Variants in DMAC2 observed in about 807,000 individuals in gnomAD.
The protein encoded by DMAC2 is distal membrane-arm assembly complex protein 2.
Under a neutral mutation model 29.6 loss-of-function variants are expected in DMAC2, and 32 were observed. The observed-to-expected ratio is 1.08, with a 90% CI of 0.81 to 1.45. The LOEUF (loss-of-function observed/expected upper bound fraction) is 1.45, where lower values mean the gene tolerates loss of function less well. DMAC2 is among the 40% of genes most tolerant of loss of function. The pLI, the probability that DMAC2 is intolerant of heterozygous loss-of-function variation, is 0.00. For synonymous variants in DMAC2, 133 were observed against 137.4 expected (o/e 0.97, Z 0.23); for missense variants, 319 against 340.0 (o/e 0.94, Z 0.49).
chr19:41,433,700 AG>A, intron 3 of DMAC2, 27 bp from the exon 4 acceptor site: 1 of 1,613,892 alleles, frequency 6.2e-7, no homozygotes, highest in Non-Finnish European at 8.5e-7. Flanking sequence ...GAGTGTCAGC[AG>A]GGCACCTGAA....
At position 41,431,964 on chromosome 19, in the gene DMAC2, C is replaced by A; in HGVS notation, c.*267G>T. On this transcript the variant is annotated 3_prime_UTR_variant, in exon 6 of 6. Transcript: ENST00000221943. ...CTGACAAGGTGAGTGTGGCTCTCTGCGGCTACTAACAGCCTGAGCCTTTAC... is the reference window on the plus strand; with the variant it reads ...CTGACAAGGTGAGTGTGGCTCTCTGAGGCTACTAACAGCCTGAGCCTTTAC... 1 of 526,106 alleles carries A rather than the reference C, an allele frequency of 1.9e-6. No homozygotes were observed. The highest frequency in any genetic ancestry group is 3.4e-6 in the Non-Finnish European group (1 of 292,032). The allele number at this position is 526,106 out of a possible 1,614,324, so 32.6% of individuals were successfully genotyped here.
Position 41,433,534 on chromosome 19 carries a change from C to A in DMAC2, c.433+3G>T, listed in dbSNP as rs1568519656. The A allele has an allele frequency of 6.2e-7, 1 of 1,614,240 alleles. No homozygotes were observed. Among genetic ancestry groups the A allele is most frequent in the East Asian group, 2.2e-5 (1 of 44,888 alleles). On this transcript the variant is annotated splice_donor_region_variant and intron_variant, in intron 4 of 5. Transcript: ENST00000221943. The stretch of plus-strand genomic sequence containing the variant: ...TGTCCCATCTCCACCCCACCGCACT[C>A]ACGGAGGTTATCCAGGCCCTCGTAG...
chr19:41,432,023 T>C lies in DMAC2; in HGVS notation c.*208A>G, dbSNP rs538704184. On this transcript the variant is annotated 3_prime_UTR_variant, in exon 6 of 6. Coordinates refer to ENST00000221943, the MANE Select transcript of DMAC2 (RefSeq NM_018035.3). ...GCCTGAACAGGGGCATGGAAAGGGC[T>C]GCCTGACAGGGTGACAGGAGCTGTG... is the stretch of plus-strand genomic sequence containing the variant. 2 of 613,722 alleles carry C rather than the reference T, an allele frequency of 3.3e-6. No individual in the cohort carries two copies. The highest frequency in any genetic ancestry group is 1.8e-5 in the African/African-American group (1 of 54,150). 38.0% of individuals were successfully genotyped at this position (613,722 alleles called of 1,614,324 possible).
At chr19:41,439,339 AAT>A (rs1325543331) in intron 1 of DMAC2, 1 of 576,806 alleles carries the variant, frequency 1.7e-6, no homozygotes, top group Non-Finnish European at 3.0e-6. Context: ...CCTCTGAAAG[AAT>A]ATCTCAAATT....
Position 41,438,295 on chromosome 19 carries a change from G to C in DMAC2, c.138C>G (p.Thr46=), listed in dbSNP as rs782325235. 2 of 1,614,234 alleles carry C rather than the reference G, an allele frequency of 1.2e-6. No individual in the cohort carries two copies. Among genetic ancestry groups the C allele is most frequent in the South Asian group, 1.1e-5 (1 of 91,086 alleles). Residue 46 remains threonine (T), a synonymous_variant, in exon 2 of 6, where the codon ACC becomes ACG. Coordinates refer to ENST00000221943, the MANE Select transcript of DMAC2 (RefSeq NM_018035.3). The stretch of plus-strand genomic sequence containing the variant: ...GAGCCTCCACATCGTAGAAATAGTT[G>C]GTCAGGAACTGGAGTATTGTCCTTT... ...KKKRTILQFL[T]NYFYDVEALR...
Position 41,439,909 on chromosome 19 carries a change from G to T in DMAC2, c.-10C>A. ...CCCAGGGAGCCGCCATCTTGCTAAG[G>T]TTTCGTAACCGGAAGGGGCCGGTCT... is the stretch of plus-strand genomic sequence containing the variant. On this transcript the variant is annotated 5_prime_UTR_variant, in exon 1 of 6. Transcript: ENST00000221943. The T allele has an allele frequency of 6.2e-7, 1 of 1,614,190 alleles. No individual in the cohort carries two copies. The highest frequency in any genetic ancestry group is 8.5e-7 in the Non-Finnish European group (1 of 1,180,042).
At chr19:41,432,653 C>G in intron 5 of DMAC2, 5 of 220,006 alleles carry the variant, frequency 2.3e-5, no homozygotes, top group East Asian at 1.2e-4. Flanking sequence ...TACAGGACAG[C>G]GTGTGTGTGT....
rs2039778302 is a variant in DMAC2, at chr19:41,434,936, A to G, written c.297-1263T>C. On this transcript the variant is annotated intron_variant, in intron 3 of 5. Transcript: ENST00000221943. ...CAGGAGAATTGCTTGAACCCAGGAG[A>G]TGGAGGTTGCAGTGAGCCGAGATTG... Among the ~76,000 whole-genome samples, 4 of 150,876 alleles carry G rather than the reference A, an allele frequency of 2.7e-5. No homozygotes were observed. The South Asian group carries it at 8.3e-4, about 31-fold the overall frequency.
At chr19:41,433,468 GC>G in intron 4 of DMAC2, 34 bp from the exon 5 acceptor site, 3 of 1,612,546 alleles carry the variant, frequency 1.9e-6, no homozygotes, top group Non-Finnish European at 2.5e-6. Flanking sequence ...GGCACCAGGA[GC>G]CTTTCTGGAG....
chr19:41,432,666 G>GCGTGCGTGTGTGCGTGCA (rs2039598039), intron 5 of DMAC2: 1 of 464,144 alleles, frequency 2.2e-6, no homozygotes. Flanking sequence ...GTGTGTGTGT[G>GCGTGCGTGTGTGCGTGCA]TGTGTGTGTG....
At chr19:41,439,291 TCTTTAATTTTCCCTAAA>T in intron 1 of DMAC2, 5 of 525,808 alleles carry the variant, frequency 9.5e-6, no homozygotes, top group Non-Finnish European at 1.7e-5. Context: ...GCTGCCAACC[TCTTTAATTTTCCCTAAA>T]TTCATTCCTT....
chr19:41,432,713 G>A, intron 5 of DMAC2: 1 of 411,626 alleles, frequency 2.4e-6, no homozygotes, highest in Non-Finnish European at 4.4e-6. Context: ...CAGCGTGTGT[G>A]TGTGTGTGTG....
rs1429060556 is a variant in DMAC2 at position 41,439,620 on chromosome 19, C to A, written c.18+262G>T. ...ATTGGTTAGTCGCGTCGCTCTTCGG[C>A]AGCCACTCCCTCATCCCCATTGGAT... is the stretch of plus-strand genomic sequence containing the variant. On this transcript the variant is annotated intron_variant, in intron 1 of 5. Coordinates refer to ENST00000221943, the MANE Select transcript of DMAC2 (RefSeq NM_018035.3). 1.9e-5 allele frequency: 28 copies of A among 1,469,026 alleles called. No individual in the cohort carries two copies. The East Asian group carries it at 5.4e-4, about 29-fold the overall frequency. The allele number at this position is 1,469,026 out of a possible 1,614,324, so 91.0% of individuals were successfully genotyped here. A position where few individuals can be genotyped will look rare whatever the true frequency, so the allele number is the denominator to read the frequency against.
chr19:41,437,629 G>T (rs1157653585), intron 2 of DMAC2, among the ~76,000 whole-genome samples: 2 of 152,038 alleles, frequency 1.3e-5, no homozygotes, highest in Non-Finnish European at 2.9e-5. Context: ...AACCTGGGAG[G>T]TGGAGGTTGC....
Position 41,433,167 on chromosome 19 carries a change from GAT to G in DMAC2, c.596+103_596+104del, listed in dbSNP as rs2122208806. 5 of 1,237,898 alleles carry G rather than the reference GAT, an allele frequency of 4.0e-6. No homozygotes were observed. The East Asian group carries it at 1.3e-4, about 32-fold the overall frequency. 76.7% of individuals were successfully genotyped at this position (1,237,898 alleles called of 1,614,324 possible). ...TCTAGGTTTGTGATGGATGCAGGGG[GAT>G]ATGAGAACTGCCTAACATTGCCCCT... is the stretch of plus-strand genomic sequence containing the variant. On this transcript the variant is annotated intron_variant, in intron 5 of 5. Transcript: ENST00000221943.
chr19:41,439,347 A>G, intron 1 of DMAC2: 3 of 609,372 alleles, frequency 4.9e-6, no homozygotes, highest in Non-Finnish European at 8.4e-6. Context: ...AGAATATCTC[A>G]AATTCTCCTC....
chr19:41,439,670 TCTCG>T (rs2040052585), intron 1 of DMAC2: 1 of 1,331,952 alleles, frequency 7.5e-7, no homozygotes, highest in Admixed American at 2.1e-5. Context: ...CCCTGCCTCC[TCTCG>T]CTCGCTAAAG....
intron 3 of DMAC2, among the ~76,000 whole-genome samples, 166 bp from the exon 4 acceptor site, chr19:41,433,839 T>C (rs548129327): frequency 9.7e-4 from 148 of 152,350 alleles, no homozygotes; most frequent in African/African-American, 3.5e-3. Flanking sequence ...GGCTCACGCC[T>C]GTAATCCCAG....
At chr19:41,438,189 A>C (rs1555771744) in intron 2 of DMAC2, 29 bp downstream of exon 2, 1 of 1,598,556 alleles carries the variant, frequency 6.3e-7, no homozygotes, top group Non-Finnish European at 8.5e-7. Flanking sequence ...CAGGGTCTCC[A>C]CAGGGTCTTG....
Sources: gnomAD v4.1 joint callset for allele counts (sites outside exome capture counted in the v4.1 genomes callset) on GRCh38, gnomAD v4.1.1 for gene constraint, MANE v1.5 for transcripts, NCBI Gene and HGNC (gene_info 2026-07-23, HGNC 2026-07-21) for gene names.